Variants in KAZN observed in about 807,000 individuals in gnomAD.
KAZN encodes kazrin.
Under a neutral mutation model 87.4 loss-of-function variants are expected in KAZN, and 40 were observed. The ratio of observed to expected loss-of-function variants is 0.46; its 90% confidence interval spans 0.36 to 0.60. The LOEUF is 0.60. KAZN is among the 20% of genes least tolerant of loss of function. The pLI, the probability that KAZN is intolerant of heterozygous loss-of-function variation, is 0.00. For missense variants in KAZN, 898 were observed against 1,073.9 expected (o/e 0.84, Z 2.29); for synonymous variants, 466 against 458.3 (o/e 1.02, Z -0.22).
chr1:14,603,623 T>C (rs1236494491), intron 1 of KAZN, among the ~76,000 whole-genome samples: 1 of 152,222 alleles, frequency 6.6e-6, no homozygotes, highest in Non-Finnish European at 1.5e-5. Context: ...TTTAGTGGTT[T>C]TCCAACACCT....
Position 14,370,779 on chromosome 1 carries a change from G to A in KAZN, c.249+190187G>A, listed in dbSNP as rs906511147. On this transcript the variant is annotated intron_variant, in intron 2 of 16. Transcript: ENST00000636203. ...GGCTCACTGCAGCCTGGACCTCCCGGGCTTAGGTGATCCTCTTACCTCAGC... is the reference window on the plus strand; with the variant it reads ...GGCTCACTGCAGCCTGGACCTCCCGAGCTTAGGTGATCCTCTTACCTCAGC... Among the ~76,000 whole-genome samples, 4 of 152,138 alleles carry A rather than the reference G, an allele frequency of 2.6e-5. 1 individual carries two copies. The highest frequency in any genetic ancestry group is 2.6e-4 in the Admixed American group (4 of 15,274).
chr1:15,109,519 C>T (rs917787548), intron 13 of KAZN, among the ~76,000 whole-genome samples: 1 of 152,192 alleles, frequency 6.6e-6, no homozygotes, highest in African/African-American at 2.4e-5. Flanking sequence ...AAGCCTTTGG[C>T]CACAGTAAGA....
chr1:14,293,089 G>A (rs1653840551), intron 2 of KAZN, among the ~76,000 whole-genome samples: 1 of 152,196 alleles, frequency 6.6e-6, no homozygotes, highest in South Asian at 2.1e-4. Context: ...TAAGCCTCAT[G>A]AAAATGTGGC....
intron 2 of KAZN, among the ~76,000 whole-genome samples, chr1:14,479,521 C>T (rs1668953679): frequency 6.6e-6 from 1 of 152,198 alleles, no homozygotes; most frequent in Admixed American, 6.5e-5. Flanking sequence ...TTTTCTTCCA[C>T]CTCCACCACG....
At chr1:14,141,810 CA>C (rs1332710795) in intron 1 of KAZN, among the ~76,000 whole-genome samples, 2 of 152,152 alleles carry the variant, frequency 1.3e-5, no homozygotes, top group Non-Finnish European at 2.9e-5. Flanking sequence ...TTGGAGGTTA[CA>C]TCTGTGCATG....
intron 1 of KAZN, among the ~76,000 whole-genome samples, chr1:14,686,898 A>G (rs1039587367): frequency 1.3e-5 from 2 of 152,218 alleles, no homozygotes; most frequent in Admixed American, 1.3e-4. Flanking sequence ...ACTGATACAG[A>G]GCTTATTAAC....
intron 1 of KAZN, among the ~76,000 whole-genome samples, chr1:14,171,939 T>TA (rs1645962770): frequency 6.6e-6 from 1 of 152,192 alleles, no homozygotes; most frequent in African/African-American, 2.4e-5. Flanking sequence ...CTATTTTTGC[T>TA]AATGACACAA....
intron 1 of KAZN, among the ~76,000 whole-genome samples, chr1:13,927,669 G>T (rs990416480): frequency 1.3e-5 from 2 of 151,590 alleles, no homozygotes; most frequent in Non-Finnish European, 2.9e-5. Flanking sequence ...AAATACAGTG[G>T]ATGCAGGATG....
chr1:14,408,544 TC>T (rs5772577), intron 2 of KAZN, among the ~76,000 whole-genome samples: 152,347 of 152,348 alleles, frequency 1, 76,173 homozygotes, highest in Non-Finnish European at 1. Flanking sequence ...CTGGTCAGGT[TC>T]CTGGTGAGGG....
intron 2 of KAZN, chr1:14,180,653 A>G (rs1646178502): frequency 5.6e-6 from 8 of 1,427,526 alleles, no homozygotes; most frequent in African/African-American, 2.9e-5. Flanking sequence ...TCTTTTTGGC[A>G]TAAGCTGTCC....
chr1:14,243,853 A>C (rs147786830), intron 2 of KAZN, among the ~76,000 whole-genome samples: 36 of 152,300 alleles, frequency 2.4e-4, no homozygotes, highest in African/African-American at 8.2e-4. Flanking sequence ...GTTTCAGACT[A>C]GATGGGATAC....
In KAZN at chr1:14,957,873, G is replaced by A. The variant is rs541074923; in HGVS notation, c.227-2811G>A. On this transcript the variant is annotated intron_variant, in intron 1 of 14. Coordinates refer to ENST00000376030, the MANE Select transcript of KAZN (RefSeq NM_201628.3). ...GAGATGTGCCTTGCACCTCAGAGGCGCCCTCGGGCTTCTGTGGGGAGGAAG... is the reference window on the plus strand; with the variant it reads ...GAGATGTGCCTTGCACCTCAGAGGCACCCTCGGGCTTCTGTGGGGAGGAAG... 8.0e-4 allele frequency among the ~76,000 whole-genome samples: 122 copies of A among 152,336 alleles called. 3 individuals carry two copies. In the South Asian group the frequency reaches 0.022, roughly 27 times the overall value.
At chr1:14,331,892 TATAAAA>T (rs148571912) in intron 2 of KAZN, among the ~76,000 whole-genome samples, 3,672 of 152,282 alleles carry the variant, frequency 0.024, 94 homozygotes, top group East Asian at 0.14. Context: ...GCTTTATACT[TATAAAA>T]AGAATATCAT....
At chr1:15,089,862 C>T (rs1640453411) in intron 8 of KAZN, among the ~76,000 whole-genome samples, 1 of 151,352 alleles carries the variant, frequency 6.6e-6, no homozygotes, top group South Asian at 2.1e-4. Context: ...CGTTACTGGG[C>T]AGTGTTCTTT....
At chr1:13,977,848 C>A (rs544987650) in intron 1 of KAZN, among the ~76,000 whole-genome samples, 1 of 152,324 alleles carries the variant, frequency 6.6e-6, no homozygotes, top group East Asian at 1.9e-4. Context: ...ATTCTCTAGA[C>A]TGGGCACGGT....
intron 2 of KAZN, among the ~76,000 whole-genome samples, chr1:14,508,330 C>T (rs1459314890): frequency 6.6e-6 from 1 of 152,134 alleles, no homozygotes; most frequent in African/African-American, 2.4e-5. Context: ...GTCACTATTG[C>T]TGTGCAACAG....
intron 2 of KAZN, among the ~76,000 whole-genome samples, chr1:14,358,584 C>T (rs1018322243): frequency 6.6e-6 from 1 of 151,986 alleles, no homozygotes; most frequent in African/African-American, 2.4e-5. Flanking sequence ...TCCCTTTAAA[C>T]ATTGCTTTAG....
chr1:14,116,619 TCAGAGCCCCCC>T (rs1644624929), intron 1 of KAZN, among the ~76,000 whole-genome samples: 1 of 151,944 alleles, frequency 6.6e-6, no homozygotes, highest in East Asian at 1.9e-4. Context: ...AAATGTGGGG[TCAGAGCCCCCC>T]ACATGGAGTC....
Position 14,102,912 on chromosome 1 carries a change from C to CTTT in KAZN, c.92-77522_92-77521insTTT, listed in dbSNP as rs140592376. Among the ~76,000 whole-genome samples the CTTT allele has an allele frequency of 7.4e-5, 11 of 149,504 alleles. 1 individual carries two copies. The highest frequency in any genetic ancestry group is 1.7e-4 in the African/African-American group (7 of 40,400). On this transcript the variant is annotated intron_variant, in intron 1 of 16. Transcript: ENST00000636203. ...TGTACACATTTGAATACTAATCTCT[C>CTTT]TCTTTTTTTTTTTTTTAACGGAGTC...
Sources: allele counts gnomAD v4.1 joint callset (sites outside exome capture counted in the v4.1 genomes callset), GRCh38; gene constraint gnomAD v4.1.1; transcripts MANE v1.5; gene names NCBI Gene and HGNC (gene_info 2026-07-23, HGNC 2026-07-21).